Variants in NCR3LG1 observed in about 807,000 individuals in gnomAD.
The protein encoded by NCR3LG1 is natural cytotoxicity triggering receptor 3 ligand 1.
In NCR3LG1, 35 loss-of-function variants were observed where a neutral mutation model predicts 34.8. The observed-to-expected ratio is 1.01, with a 90% CI of 0.77 to 1.33. The LOEUF is 1.33. Ranked by LOEUF, NCR3LG1 falls within the 40% of genes most tolerant of loss-of-function variation. The pLI is 0.00. For missense variants in NCR3LG1, 452 were observed against 423.3 expected, an observed-to-expected ratio of 1.07 and a Z score of -0.60; for synonymous variants, 173 against 163.6, an observed-to-expected ratio of 1.06 and a Z score of -0.44.
At chr11:17,364,562 T>C (rs912151498) in intron 2 of NCR3LG1, among the ~76,000 whole-genome samples, 1 of 151,748 alleles carries the variant, frequency 6.6e-6, no homozygotes, top group Admixed American at 6.6e-5. Flanking sequence ...CTTTTTTTTT[T>C]TGAGACGGAG....
intron 1 of NCR3LG1, among the ~76,000 whole-genome samples, chr11:17,352,900 T>G (rs1418648884): frequency 6.6e-6 from 1 of 152,152 alleles, no homozygotes; most frequent in African/African-American, 2.4e-5. Context: ...AACTCATTTC[T>G]AACTAGAAGA....
In NCR3LG1 at chr11:17,368,799, G is replaced by A; in HGVS notation, c.761-68G>A. 14 of 1,019,800 alleles carry A rather than the reference G, an allele frequency of 1.4e-5. No individual in the cohort carries two copies. In the South Asian group the frequency reaches 1.8e-4, roughly 13 times the overall value. The allele number at this position is 1,019,800 out of a possible 1,614,324, so 63.2% of individuals were successfully genotyped here. On this transcript the variant is annotated intron_variant, in intron 3 of 4. Coordinates refer to ENST00000338965, the MANE Select transcript of NCR3LG1 (RefSeq NM_001202439.3). ...TGACACAACCACACAGTTCCCAGCA[G>A]CAGTTGTGTGGTTTCTCTGGCCCTT...
At chr11:17,358,304 T>C (rs768437586) in intron 2 of NCR3LG1, among the ~76,000 whole-genome samples, 14 of 152,364 alleles carry the variant, frequency 9.2e-5, no homozygotes, top group Admixed American at 3.3e-4. Flanking sequence ...GTTCTTAGGC[T>C]CCTTTTTGCT....
rs1176219092 is a variant in NCR3LG1 at position 17,376,743 on chromosome 11, C to G, written c.*4231C>G. ...CTAGGAAAAGTTGGCCGGGTAATAG[C>G]AAATGCCTCCTCCTGTTTTAAAAGC... On this transcript the variant is annotated 3_prime_UTR_variant, in exon 5 of 5. Coordinates refer to ENST00000338965, the MANE Select transcript of NCR3LG1 (RefSeq NM_001202439.3). 2.6e-5 allele frequency: 4 copies of G among 152,148 alleles called. No homozygotes were observed. Among genetic ancestry groups the G allele is most frequent in the Admixed American group, 1.3e-4 (2 of 15,278 alleles). The allele number at this position is 152,148 out of a possible 1,614,324, so 9.4% of individuals were successfully genotyped here. A position where few individuals can be genotyped will look rare whatever the true frequency, so the allele number is the denominator to read the frequency against.
intron 4 of NCR3LG1, among the ~76,000 whole-genome samples, chr11:17,370,465 A>T (rs1953394084): frequency 6.6e-6 from 1 of 152,102 alleles, no homozygotes; most frequent in Non-Finnish European, 1.5e-5. Context: ...TTGTCCTCAG[A>T]TTTTTTCCTG....
chr11:17,366,453 G>A (rs1953344989), intron 2 of NCR3LG1, among the ~76,000 whole-genome samples: 11 of 152,114 alleles, frequency 7.2e-5, no homozygotes, highest in Admixed American at 7.2e-4. Context: ...TACCTGCAGT[G>A]GAGGTTGGGT....
rs990055702 is a variant in NCR3LG1, at chr11:17,372,296, T to C, written c.1149T>C (p.Cys383=). 2.8e-6 allele frequency: 2 copies of C among 703,048 alleles called. No individual in the cohort carries two copies. Among genetic ancestry groups the C allele is most frequent in the Admixed American group, 4.0e-5 (2 of 49,994 alleles). The allele number at this position is 703,048 out of a possible 1,614,324, so 43.6% of individuals were successfully genotyped here. The change falls in exon 5 of 5, where the codon TGT becomes TGC. Residue 383 remains cysteine (C), a synonymous_variant. Transcript: ENST00000338965. ...ACAACCCAGATCTTTGTCAGTGTTG[T>C]AGAATTGACCCTGCTCTCCTAACAG... ...LRDNPDLCQC[C]RIDPALLTVT...
rs780562891 is a variant in NCR3LG1, at chr11:17,369,001, T to C, written c.858+37T>C. On this transcript the variant is annotated intron_variant, in intron 4 of 4. Transcript: ENST00000338965. ...CAAAGCAAAGTTCAGCCCTGTGTCT[T>C]GGGCTAGTAAAAAGCTTTTAGAGCA... is the stretch of plus-strand genomic sequence containing the variant. 6.6e-6 allele frequency: 9 copies of C among 1,373,216 alleles called. No individual in the cohort carries two copies. In the South Asian group the frequency reaches 1.2e-4, roughly 18 times the overall value. 85.1% of individuals were successfully genotyped at this position (1,373,216 alleles called of 1,614,324 possible).
chr11:17,370,614 TA>T (rs572815562), intron 4 of NCR3LG1, among the ~76,000 whole-genome samples: 117 of 152,310 alleles, frequency 7.7e-4, no homozygotes, highest in African/African-American at 2.6e-3. Context: ...GGCTCTGTTC[TA>T]ATCCAGTTTC....
intron 1 of NCR3LG1, 135 bp downstream of exon 1, chr11:17,352,174 CT>C: frequency 4.3e-6 from 2 of 470,412 alleles, no homozygotes; most frequent in South Asian, 2.9e-5. Context: ...TCTATTTCTT[CT>C]CCTTTTTTTT....
At position 17,367,351 on chromosome 11, in the gene NCR3LG1, A is replaced by G; in HGVS notation, c.760+4A>G. 1 of 1,527,752 alleles carries G rather than the reference A, an allele frequency of 6.5e-7. No individual in the cohort carries two copies. The highest frequency in any genetic ancestry group is 1.2e-5 in the South Asian group (1 of 83,316). 94.6% of individuals were successfully genotyped at this position (1,527,752 alleles called of 1,614,324 possible). On this transcript the variant is annotated splice_donor_region_variant and intron_variant, in intron 3 of 4. Coordinates refer to ENST00000338965, the MANE Select transcript of NCR3LG1 (RefSeq NM_001202439.3). ...GCTGCTCGGCACAGTCTTTCTGGTA[A>G]GGGTCTTTCTGGACATTTCTTCTCT... is the stretch of plus-strand genomic sequence containing the variant.
intron 2 of NCR3LG1, among the ~76,000 whole-genome samples, chr11:17,363,199 C>A (rs4757509): frequency 1.4e-4 from 21 of 151,108 alleles, no homozygotes; most frequent in African/African-American, 5.1e-4. Flanking sequence ...GCTGGGATTA[C>A]AGGCATGAGC....
At position 17,351,817 on chromosome 11, in the gene NCR3LG1, C is replaced by T; in HGVS notation, c.-153C>T. On this transcript the variant is annotated 5_prime_UTR_variant, in exon 1 of 5. Transcript: ENST00000338965. ...GCGACTTCGCAGTTGCCGAAGGGAT[C>T]TGAAGAAGTGGGATGTGCAAAAGCG... 1.7e-6 allele frequency: 1 copy of T among 600,026 alleles called. No homozygotes were observed. The highest frequency in any genetic ancestry group is 2.9e-6 in the Non-Finnish European group (1 of 342,800). 37.2% of individuals were successfully genotyped at this position (600,026 alleles called of 1,614,324 possible). A position where few individuals can be genotyped will look rare whatever the true frequency, so the allele number is the denominator to read the frequency against.
chr11:17,363,776 T>C (rs1953314506), intron 2 of NCR3LG1, among the ~76,000 whole-genome samples: 1 of 151,872 alleles, frequency 6.6e-6, no homozygotes, highest in Admixed American at 6.6e-5. Context: ...TTTGTATTTT[T>C]TGTAGAGATG....
rs967740914 is a variant in NCR3LG1 at position 17,376,016 on chromosome 11, A to T, written c.*3504A>T. The T allele has an allele frequency of 2.0e-5, 3 of 152,224 alleles. No individual in the cohort carries two copies. Among genetic ancestry groups the T allele is most frequent in the South Asian group, 2.1e-4 (1 of 4,828 alleles). The allele number at this position is 152,224 out of a possible 1,614,324, so 9.4% of individuals were successfully genotyped here. The stretch of plus-strand genomic sequence containing the variant: ...GAAAGCATAAGACATCAGTGCATCC[A>T]AAGATTGTTCTCAGGAGAAAATCTA... On this transcript the variant is annotated 3_prime_UTR_variant, in exon 5 of 5. Transcript: ENST00000338965.
chr11:17,366,938 A>C (rs1240428473), intron 2 of NCR3LG1, 71 bp from the exon 3 acceptor site: 1 of 1,132,558 alleles, frequency 8.8e-7, no homozygotes, highest in East Asian at 2.6e-5. Context: ...GGTAGAAGCC[A>C]GTTAGCATAA....
At chr11:17,353,021 G>A (rs1340372501) in intron 1 of NCR3LG1, among the ~76,000 whole-genome samples, 1 of 152,166 alleles carries the variant, frequency 6.6e-6, no homozygotes, top group Non-Finnish European at 1.5e-5. Context: ...GCGCGCTCTG[G>A]GCGCCCCGAG....
At chr11:17,368,015 T>C (rs960223123) in intron 3 of NCR3LG1, among the ~76,000 whole-genome samples, 13 of 151,894 alleles carry the variant, frequency 8.6e-5, no homozygotes, top group African/African-American at 3.1e-4. Context: ...ATGGGGTTTC[T>C]CTATGTTGGT....
rs1485081728 is a variant in NCR3LG1 at position 17,372,374 on chromosome 11, C to T, written c.1227C>T (p.Thr409=). The T allele has an allele frequency of 1.4e-6, 1 of 702,988 alleles. No homozygotes were observed. Among genetic ancestry groups the T allele is most frequent in the Non-Finnish European group, 2.6e-6 (1 of 385,034 alleles). The allele number at this position is 702,988 out of a possible 1,614,324, so 43.5% of individuals were successfully genotyped here. A position where few individuals can be genotyped will look rare whatever the true frequency, so the allele number is the denominator to read the frequency against. The change falls in exon 5 of 5, where the codon ACC becomes ACT. Residue 409 remains threonine (T), a synonymous_variant. Transcript: ENST00000338965. ...ATTCCACAAAGTCTGAGAAACAAAC[C>T]CCTAGGGAACACTCGGATGCAGTTC... ...DDNSTKSEKQ[T]PREHSDAVPD...
Sources: gnomAD v4.1 joint callset for allele counts (sites outside exome capture counted in the v4.1 genomes callset) on GRCh38, gnomAD v4.1.1 for gene constraint, MANE v1.5 for transcripts, NCBI Gene and HGNC (gene_info 2026-07-23, HGNC 2026-07-21) for gene names.